Variants in WDR59 observed in about 807,000 individuals in gnomAD.
WDR59 encodes WD repeat domain 59, also known as GATOR2 complex protein WDR59.
WDR59 carries 100 observed loss-of-function variants against 131.2 expected under a neutral mutation model. That is an observed-to-expected ratio of 0.76 (90% CI 0.65 to 0.90). WDR59 has a LOEUF of 0.90. Ranked by LOEUF, WDR59 falls within the 40% of genes least tolerant of loss-of-function variation. The pLI, the probability that WDR59 is intolerant of heterozygous loss-of-function variation, is 0.00. For synonymous variants in WDR59, 601 were observed against 466.2 expected, an observed-to-expected ratio of 1.29 and a Z score of -3.72; for missense variants, 1,203 against 1,262.2, an observed-to-expected ratio of 0.95 and a Z score of 0.71.
chr16:74,950,595 C>T (rs2032933968), intron 4 of WDR59, among the ~76,000 whole-genome samples: 1 of 152,206 alleles, frequency 6.6e-6, no homozygotes, highest in Non-Finnish European at 1.5e-5. Context: ...ACCCAGGTGT[C>T]TCACCTTTCC....
rs991470907 is a variant in WDR59, at chr16:74,918,197, G to A, written c.887-189C>T. On this transcript the variant is annotated intron_variant, in intron 10 of 25. Coordinates refer to ENST00000262144, the MANE Select transcript of WDR59 (RefSeq NM_030581.4). ...AATAATTTCTATCTTTATAGATCTC[G>A]CATTCCAGTGGTAGAAAGAGACAAA... is the stretch of plus-strand genomic sequence containing the variant. 3.3e-5 allele frequency among the ~76,000 whole-genome samples: 5 copies of A among 152,144 alleles called. No individual in the cohort carries two copies. The South Asian group carries it at 6.2e-4, about 19-fold the overall frequency.
chr16:74,876,166 A>G (rs958045256), intron 25 of WDR59, among the ~76,000 whole-genome samples: 1 of 152,212 alleles, frequency 6.6e-6, no homozygotes, highest in Non-Finnish European at 1.5e-5. Flanking sequence ...AAAAAGGCCA[A>G]TAAAAACTCC....
intron 9 of WDR59, among the ~76,000 whole-genome samples, 179 bp downstream of exon 9, chr16:74,923,747 T>C (rs533999134): frequency 6.6e-6 from 1 of 152,204 alleles, no homozygotes; most frequent in South Asian, 2.1e-4. Flanking sequence ...CGGCCAAGAA[T>C]AAAATTTTAA....
intron 25 of WDR59, among the ~76,000 whole-genome samples, chr16:74,882,163 A>G (rs751019167): frequency 1.3e-5 from 2 of 152,198 alleles, no homozygotes; most frequent in Non-Finnish European, 2.9e-5. Flanking sequence ...AGATGTCAAT[A>G]AGGGTTTAGC....
chr16:74,914,186 T>G (rs1473796370), intron 13 of WDR59, among the ~76,000 whole-genome samples: 1 of 152,124 alleles, frequency 6.6e-6, no homozygotes, highest in Non-Finnish European at 1.5e-5. Context: ...CACTCCAGTC[T>G]GAGCGGACAG....
intron 1 of WDR59, among the ~76,000 whole-genome samples, chr16:74,980,928 G>A (rs1453120750): frequency 6.6e-6 from 1 of 151,694 alleles, no homozygotes; most frequent in East Asian, 2.0e-4. Context: ...TTGCGCCACT[G>A]CACTCCAGCC....
chr16:74,929,220 G>A (rs1172025572), intron 8 of WDR59, among the ~76,000 whole-genome samples: 2 of 152,190 alleles, frequency 1.3e-5, no homozygotes, highest in Admixed American at 6.5e-5. Flanking sequence ...GACTACAGGC[G>A]CCCGCCACCA....
intron 19 of WDR59, among the ~76,000 whole-genome samples, chr16:74,892,825 A>T (rs1314091612): frequency 6.6e-6 from 1 of 152,222 alleles, no homozygotes; most frequent in Non-Finnish European, 1.5e-5. Context: ...GGCCATACTC[A>T]AATACCAATT....
intron 8 of WDR59, among the ~76,000 whole-genome samples, chr16:74,930,115 G>C (rs2031245153): frequency 6.6e-6 from 1 of 152,114 alleles, no homozygotes; most frequent in African/African-American, 2.4e-5. Flanking sequence ...GAATGAAAAA[G>C]AGCCAGTATT....
At position 74,892,688 on chromosome 16, in the gene WDR59, G is replaced by C. The variant is rs148620462; in HGVS notation, c.2001-123C>G. The C allele has an allele frequency of 1.4e-5, 12 of 829,462 alleles. No individual in the cohort carries two copies. In the East Asian group the frequency reaches 3.0e-4, roughly 21 times the overall value. The allele number at this position is 829,462 out of a possible 1,614,324, so 51.4% of individuals were successfully genotyped here. On this transcript the variant is annotated intron_variant, in intron 19 of 25. Coordinates refer to ENST00000262144, the MANE Select transcript of WDR59 (RefSeq NM_030581.4). ...GTTATCACTCAAAATGTTTTATTCC[G>C]CGTTGGCCTTGGGCCCCCTTTCTAT...
In WDR59 at chr16:74,885,707, G is replaced by A. The variant is rs367616908; in HGVS notation, c.2635C>T (p.Arg879Ter). Residue 879 changes from arginine (R) to a stop codon, truncating the protein, a stop_gained, in exon 25 of 26, where the codon CGA becomes TGA. Coordinates refer to ENST00000262144, the MANE Select transcript of WDR59 (RefSeq NM_030581.4). LOFTEE classifies it high-confidence loss of function. ...ILYRWGLREK[R>*]AEVLKFVSCP... is the part of the protein sequence containing the mutation. The stretch of plus-strand genomic sequence containing the variant: ...GAGACAAACTTCAACACTTCAGCTC[G>A]CTTCTCTCTCAGACCCCAACGGTAG... The A allele has an allele frequency of 1.8e-5, 29 of 1,613,932 alleles. No individual in the cohort carries two copies. Among genetic ancestry groups the A allele is most frequent in the African/African-American group, 4.0e-5 (3 of 74,892 alleles).
At chr16:74,900,662 G>C (rs989702059) in intron 18 of WDR59, among the ~76,000 whole-genome samples, 1 of 152,150 alleles carries the variant, frequency 6.6e-6, no homozygotes, top group Non-Finnish European at 1.5e-5. Flanking sequence ...GGCGTCACAC[G>C]TTTTAAAATT....
At chr16:74,906,215 G>A (rs1965808872) in intron 17 of WDR59, among the ~76,000 whole-genome samples, 2 of 150,654 alleles carry the variant, frequency 1.3e-5, no homozygotes, top group South Asian at 2.1e-4. Flanking sequence ...TCGGGAGGCT[G>A]AGGCAGGAGA....
At chr16:74,955,994 T>A (rs2033271883) in intron 3 of WDR59, among the ~76,000 whole-genome samples, 1 of 152,124 alleles carries the variant, frequency 6.6e-6, no homozygotes, top group Non-Finnish European at 1.5e-5. Context: ...GCACATAGAA[T>A]TTGATGGGGT....
chr16:74,984,625 G>A, intron 1 of WDR59: 1 of 349,036 alleles, frequency 2.9e-6, no homozygotes, highest in South Asian at 4.8e-5. Flanking sequence ...CACGCGGCTA[G>A]GGCCTCGGGA....
At chr16:74,892,285 T>A (rs553570214) in intron 20 of WDR59, among the ~76,000 whole-genome samples, 199 bp downstream of exon 20, 249 of 152,306 alleles carry the variant, frequency 1.6e-3, no homozygotes, top group Non-Finnish European at 2.9e-3. Flanking sequence ...CTTTAGGACC[T>A]TCCCAACTGA....
intron 18 of WDR59, among the ~76,000 whole-genome samples, chr16:74,894,258 T>C (rs529686652): frequency 1.3e-5 from 2 of 152,330 alleles, no homozygotes; most frequent in South Asian, 2.1e-4. Context: ...GACATAGCAG[T>C]GTGGGCTCTG....
intron 1 of WDR59, among the ~76,000 whole-genome samples, chr16:74,970,511 A>AAAAAAG (rs2033940097): frequency 2.4e-5 from 1 of 41,108 alleles, no homozygotes. Context: ...AAAAAAAAAA[A>AAAAAAG]AAAAAAAAAA....
At chr16:74,966,700 C>T (rs931474452) in intron 1 of WDR59, among the ~76,000 whole-genome samples, 1 of 152,126 alleles carries the variant, frequency 6.6e-6, no homozygotes, top group Admixed American at 6.6e-5. Flanking sequence ...AATATTCAGA[C>T]ACCACCCCTG....
Sources: allele counts gnomAD v4.1 joint callset (sites outside exome capture counted in the v4.1 genomes callset), GRCh38; gene constraint gnomAD v4.1.1; transcripts MANE v1.5; gene names NCBI Gene and HGNC (gene_info 2026-07-23, HGNC 2026-07-21).